DIPK2B: variants seen among roughly 807,000 people sequenced by gnomAD.
DIPK2B encodes UPF0672 protein CXorf36.
In DIPK2B, 15 loss-of-function variants were observed where a neutral mutation model predicts 22.2. The observed-to-expected ratio is 0.68, with a 90% CI of 0.45 to 1.04. DIPK2B has a LOEUF of 1.04. Among genes scored for constraint, DIPK2B ranks in the 50% least tolerant of loss-of-function variants. The pLI is 0.00. For missense variants in DIPK2B, 345 were observed against 348.3 expected (o/e 0.99, Z 0.08); for synonymous variants, 163 against 153.2 (o/e 1.06, Z -0.47).
At chrX:45,191,631 C>T in intron 2 of DIPK2B, 120 bp downstream of exon 2, 1 of 893,034 alleles carries the variant, frequency 1.1e-6, no homozygotes, top group South Asian at 2.4e-5. Context: ...TGTTTTGTCA[C>T]ACTTCAGACA....
intron 2 of DIPK2B, among the ~76,000 whole-genome samples, chrX:45,177,929 CCAAA>C (rs1431289647): frequency 9.0e-6 from 1 of 111,390 alleles, no homozygotes; most frequent in African/African-American, 3.3e-5. Flanking sequence ...TCTTTATTTC[CCAAA>C]CATTTATGAA....
chrX:45,165,099 G>A (rs756085769), intron 2 of DIPK2B, among the ~76,000 whole-genome samples: 3 of 111,399 alleles, frequency 2.7e-5, no homozygotes, highest in South Asian at 7.8e-4. Context: ...TTCTGGAAAG[G>A]TAGGTCTGAT....
chrX:45,176,707 G>A (rs1471751742), intron 2 of DIPK2B, among the ~76,000 whole-genome samples: 1 of 111,757 alleles, frequency 8.9e-6, no homozygotes, highest in Non-Finnish European at 1.9e-5. Flanking sequence ...CCTTGCGTTT[G>A]AAGCACAATC....
rs929468411 is a variant in DIPK2B, at chrX:45,150,593, A to G, written c.*1059T>C. On this transcript the variant is annotated 3_prime_UTR_variant, in exon 5 of 5. Coordinates refer to ENST00000398000, the MANE Select transcript of DIPK2B (RefSeq NM_176819.4). The stretch of plus-strand genomic sequence containing the variant: ...CCTGCTCTAGGGAGCGGGGCTGACC[A>G]GGGACCCCTGCTGCTGTGCTCTGAA... The G allele has an allele frequency of 9.0e-6, 1 of 111,020 alleles. No individual in the cohort carries two copies. The highest frequency in any genetic ancestry group is 3.3e-5 in the African/African-American group (1 of 30,433). 9.1% of individuals were successfully genotyped at this position (111,020 alleles called of 1,213,427 possible).
chrX:45,177,763 A>G (rs1272438030), intron 2 of DIPK2B, among the ~76,000 whole-genome samples: 1 of 111,507 alleles, frequency 9.0e-6, no homozygotes. Flanking sequence ...CACTTGGGGA[A>G]AGACAAAAAT....
At chrX:45,152,039 T>A (rs745432849) in intron 4 of DIPK2B, 47 bp from the exon 5 acceptor site, 4 of 1,073,419 alleles carry the variant, frequency 3.7e-6, no homozygotes, top group African/African-American at 3.7e-5. Flanking sequence ...CCAGTGCTCC[T>A]TGAGGGAGGG....
intron 1 of DIPK2B, among the ~76,000 whole-genome samples, chrX:45,193,954 G>A (rs1053571638): frequency 6.6e-4 from 73 of 110,430 alleles, no homozygotes; most frequent in African/African-American, 2.3e-3. Context: ...ACTGGAGCTG[G>A]AAAGTTATCA....
chrX:45,194,540 G>A (rs1444502699), intron 1 of DIPK2B, among the ~76,000 whole-genome samples: 2 of 110,890 alleles, frequency 1.8e-5, no homozygotes, highest in East Asian at 5.7e-4. Flanking sequence ...GTGAGCCACC[G>A]CACTTGGTCC....
intron 3 of DIPK2B, among the ~76,000 whole-genome samples, chrX:45,154,963 C>T (rs1266470522): frequency 1.8e-5 from 2 of 111,660 alleles, no homozygotes; most frequent in African/African-American, 6.5e-5. Context: ...GCACGTGCCA[C>T]CATGCCTGGC....
intron 2 of DIPK2B, among the ~76,000 whole-genome samples, chrX:45,190,598 G>C (rs573347442): frequency 1.6e-4 from 18 of 112,235 alleles, no homozygotes; most frequent in African/African-American, 5.5e-4. Context: ...TTGCAGCACA[G>C]TTGATGAAAC....
At chrX:45,175,575 A>G (rs1371763602) in intron 2 of DIPK2B, among the ~76,000 whole-genome samples, 1 of 101,334 alleles carries the variant, frequency 9.9e-6, no homozygotes, top group African/African-American at 3.7e-5. Flanking sequence ...GTTTAAATAT[A>G]TATACGTATA....
chrX:45,196,799 G>A, intron 1 of DIPK2B, among the ~76,000 whole-genome samples: 1 of 111,849 alleles, frequency 8.9e-6, no homozygotes, highest in Non-Finnish European at 1.9e-5. Context: ...TATATTGTCA[G>A]TAAGAAGAGT....
At position 45,151,946 on chromosome X, in the gene DIPK2B, G is replaced by A. The variant is rs756018192; in HGVS notation, c.1008C>T (p.Ser336=). The A allele has an allele frequency of 1.7e-6, 2 of 1,194,439 alleles. No individual in the cohort carries two copies. Among genetic ancestry groups the A allele is most frequent in the South Asian group, 3.7e-5 (2 of 54,750 alleles). ...GGGCCTGGCAGCCGGAAACCAGGCA[G>A]CTAAAAATGTCTTTATTCTCTCCTG... is the stretch of plus-strand genomic sequence containing the variant. ...NRAGENKDIF[S]CLVSGCQAQL... is the part of the protein sequence containing the mutation. Residue 336 remains serine, a synonymous_variant, in exon 5 of 5, where the codon AGC becomes AGT. Transcript: ENST00000398000.
At position 45,154,115 on chromosome X, in the gene DIPK2B, C is replaced by T. The variant is rs754097459; in HGVS notation, c.756G>A (p.Pro252=). Residue 252 remains proline (P), a synonymous_variant, in exon 4 of 5, where the codon CCG becomes CCA. Transcript: ENST00000398000. The stretch of plus-strand genomic sequence containing the variant: ...GGGGTGCATCATAGAATTCCTGCAG[C>T]GGTCTGGTGCTGGTGCTGACGAGGA... ...GRFLVSTSTR[P]LQEFYDAPPD... The T allele has an allele frequency of 7.4e-6, 9 of 1,208,734 alleles. No individual in the cohort carries two copies. The highest frequency in any genetic ancestry group is 5.9e-5 in the East Asian group (2 of 33,723).
rs34281975 is a variant in DIPK2B, at chrX:45,153,474, TTGTGTGTGTG to T, written c.961+426_961+435del. Among the ~76,000 whole-genome samples the T allele has an allele frequency of 8.0e-3, 594 of 73,851 alleles. 6 individuals are homozygous for T. The highest frequency in any genetic ancestry group is 0.027 in the African/African-American group (516 of 19,215). The allele number at this position is 73,851 out of a possible 115,157, so 64.1% of individuals were successfully genotyped here. A position where few individuals can be genotyped will look rare whatever the true frequency, so the allele number is the denominator to read the frequency against. ...TGAGTGGGAGATGGACCCAAAAGTT[TTGTGTGTGTG>T]TGTGTGTGTGTGTGTGTGTGTGTGT... is the stretch of plus-strand genomic sequence containing the variant. On this transcript the variant is annotated intron_variant, in intron 4 of 4. Transcript: ENST00000398000.
rs779584451 is a variant in DIPK2B at position 45,171,524 on chromosome X, A to G, written c.499-13636T>C. On this transcript the variant is annotated intron_variant, in intron 2 of 4. Coordinates refer to ENST00000398000, the MANE Select transcript of DIPK2B (RefSeq NM_176819.4). ...CCTACAGAATGAAGTTTAGCTCCCCACCCCCAGCCCTCACCCTACCCACTG... is the reference window on the plus strand; with the variant it reads ...CCTACAGAATGAAGTTTAGCTCCCCGCCCCCAGCCCTCACCCTACCCACTG... Among the ~76,000 whole-genome samples, 5 of 109,511 alleles carry G rather than the reference A, an allele frequency of 4.6e-5. No homozygotes were observed. The East Asian group carries it at 1.4e-3, about 32-fold the overall frequency.
At chrX:45,180,705 T>C (rs1277974867) in intron 2 of DIPK2B, among the ~76,000 whole-genome samples, 1 of 111,675 alleles carries the variant, frequency 9.0e-6, no homozygotes, top group Non-Finnish European at 1.9e-5. Flanking sequence ...CTCTTATCCA[T>C]GGGGCATACG....
intron 2 of DIPK2B, among the ~76,000 whole-genome samples, chrX:45,175,110 T>C (rs1320838496): frequency 9.0e-6 from 1 of 111,584 alleles, no homozygotes; most frequent in African/African-American, 3.3e-5. Context: ...GGAACAAGAA[T>C]ATCTTAGAGG....
rs775695261 is a variant in DIPK2B at position 45,170,114 on chromosome X, G to T, written c.499-12226C>A. Among the ~76,000 whole-genome samples, 156 of 109,836 alleles carry T rather than the reference G, an allele frequency of 1.4e-3. 1 individual carries two copies. Among genetic ancestry groups the T allele is most frequent in the African/African-American group, 5.0e-3 (152 of 30,187 alleles). ...CAAAAATCAGCCAGGCGTGGTGGCAGGCGCCTGTAATCCTAGCTACTCAGG... is the reference window on the plus strand; with the variant it reads ...CAAAAATCAGCCAGGCGTGGTGGCATGCGCCTGTAATCCTAGCTACTCAGG... On this transcript the variant is annotated intron_variant, in intron 2 of 4. Transcript: ENST00000398000.
Sources: gnomAD v4.1 joint callset for allele counts (sites outside exome capture counted in the v4.1 genomes callset) on GRCh38, gnomAD v4.1.1 for gene constraint, MANE v1.5 for transcripts, NCBI Gene and HGNC (gene_info 2026-07-23, HGNC 2026-07-21) for gene names.